The following RBMS3 variants were observed in gnomAD, a reference collection of about 807,000 sequenced individuals.
RBMS3 encodes RNA binding motif single stranded interacting protein 3.
Under a neutral mutation model 66.8 loss-of-function variants are expected in RBMS3, and 27 were observed. That is an observed-to-expected ratio of 0.40 (90% CI 0.30 to 0.56). The LOEUF (loss-of-function observed/expected upper bound fraction) is 0.56, where lower values mean the gene tolerates loss of function less well. RBMS3 is among the 20% of genes least tolerant of loss of function. The pLI is 0.40. For synonymous variants in RBMS3, 188 were observed against 183.0 expected, an observed-to-expected ratio of 1.03 and a Z score of -0.22; for missense variants, 513 against 549.5, an observed-to-expected ratio of 0.93 and a Z score of 0.66.
At chr3:29,776,723 T>C (rs545529370) in intron 6 of RBMS3, among the ~76,000 whole-genome samples, 281 of 152,106 alleles carry the variant, frequency 1.8e-3, no homozygotes, top group Middle Eastern at 6.8e-3. Flanking sequence ...AATTTAATAG[T>C]TGACGTCTCT....
rs1305820346 is a variant in RBMS3 at position 29,377,892 on chromosome 3, AG to A, written c.76-56850del. Among the ~76,000 whole-genome samples, 7 of 152,226 alleles carry A rather than the reference AG, an allele frequency of 4.6e-5. No homozygotes were observed. In the East Asian group the frequency reaches 1.3e-3, roughly 29 times the overall value. On this transcript the variant is annotated intron_variant, in intron 1 of 14. Coordinates refer to ENST00000383767, the MANE Select transcript of RBMS3 (RefSeq NM_001003793.3). ...TTGTCTTTAAAATGTTACCAAAACT[AG>A]TCTTTTAGCAAGAATCTTACTAGAA...
intron 3 of RBMS3, among the ~76,000 whole-genome samples, chr3:29,528,574 T>C (rs1487248748): frequency 3.3e-5 from 5 of 152,218 alleles, no homozygotes; most frequent in Non-Finnish European, 7.3e-5. Context: ...TATTATCAAT[T>C]ACATTTTCAT....
chr3:29,797,449 C>T (rs1436813138), intron 6 of RBMS3, among the ~76,000 whole-genome samples: 3 of 152,168 alleles, frequency 2.0e-5, no homozygotes, highest in Admixed American at 1.3e-4. Flanking sequence ...ATCTTCTATC[C>T]AGACCACTAA....
At chr3:29,334,599 T>A (rs1443102137) in intron 1 of RBMS3, among the ~76,000 whole-genome samples, 1 of 152,150 alleles carries the variant, frequency 6.6e-6, no homozygotes, top group Non-Finnish European at 1.5e-5. Context: ...ACACTAAATA[T>A]GGACTAAATG....
intron 2 of RBMS3, among the ~76,000 whole-genome samples, chr3:29,485,626 A>G (rs1047582641): frequency 3.3e-5 from 5 of 152,194 alleles, no homozygotes; most frequent in African/African-American, 1.2e-4. Flanking sequence ...TATTTACTTC[A>G]TTTATTTATT....
intron 2 of RBMS3, among the ~76,000 whole-genome samples, chr3:29,435,392 A>T (rs532401947): frequency 5.8e-4 from 89 of 152,326 alleles, no homozygotes; most frequent in African/African-American, 2.1e-3. Flanking sequence ...TTGGAGAAGC[A>T]TAAGACTAAT....
At position 29,488,612 on chromosome 3, in the gene RBMS3, G is replaced by GA. The variant is rs1009777576; in HGVS notation, c.307+117dup. On this transcript the variant is annotated intron_variant, in intron 3 of 14. Coordinates refer to ENST00000383767, the MANE Select transcript of RBMS3 (RefSeq NM_001003793.3). ...CACAATGATCACAATGCATAGTATG[G>GA]AAAACCTCTTTAATGATGCCAATGT... is the stretch of plus-strand genomic sequence containing the variant. 4.8e-6 allele frequency: 4 copies of GA among 828,732 alleles called. No homozygotes were observed. In the African/African-American group the frequency reaches 7.1e-5, roughly 15 times the overall value. The allele number at this position is 828,732 out of a possible 1,614,324, so 51.3% of individuals were successfully genotyped here.
At chr3:29,708,634 C>G (rs2053016686) in intron 4 of RBMS3, among the ~76,000 whole-genome samples, 1 of 152,136 alleles carries the variant, frequency 6.6e-6, no homozygotes, top group Admixed American at 6.6e-5. Context: ...TGGGGTGATT[C>G]TAGCAGAGGC....
intron 3 of RBMS3, among the ~76,000 whole-genome samples, chr3:29,551,838 C>T (rs2046190350): frequency 6.6e-6 from 1 of 152,126 alleles, no homozygotes; most frequent in Non-Finnish European, 1.5e-5. Context: ...ATGTACATGT[C>T]ACTTTATCCT....
chr3:29,921,511 T>TGGGG (rs2060780046), intron 10 of RBMS3, among the ~76,000 whole-genome samples: 1 of 65,152 alleles, frequency 1.5e-5, no homozygotes, highest in African/African-American at 6.1e-5. Context: ...GTGGGGGGGC[T>TGGGG]GGGGGTGCAG....
In RBMS3 at chr3:29,796,102, TG is replaced by T. The variant is rs375845066; in HGVS notation, c.637+33115del. Among the ~76,000 whole-genome samples, 1,458 of 152,346 alleles carry T rather than the reference TG, an allele frequency of 9.6e-3. 29 individuals carry two copies. The highest frequency in any genetic ancestry group is 0.034 in the Middle Eastern group (10 of 294). On this transcript the variant is annotated intron_variant, in intron 6 of 14. Coordinates refer to ENST00000383767, the MANE Select transcript of RBMS3 (RefSeq NM_001003793.3). ...AAGAAAGTGAATCTCAATAATATTT[TG>T]GTTTCCCAGTGCATGTAAAAGCTAT...
At chr3:29,888,269 A>C (rs2059919385) in intron 8 of RBMS3, among the ~76,000 whole-genome samples, 1 of 151,772 alleles carries the variant, frequency 6.6e-6, no homozygotes, top group African/African-American at 2.4e-5. Context: ...GAAGCTAAAG[A>C]TATCCAAATC....
At chr3:29,380,111 G>A (rs2038688947) in intron 1 of RBMS3, among the ~76,000 whole-genome samples, 1 of 151,856 alleles carries the variant, frequency 6.6e-6, no homozygotes, top group Non-Finnish European at 1.5e-5. Flanking sequence ...CTTTTATGAA[G>A]CTTAAAATAA....
At chr3:29,465,109 G>C (rs2042492989) in intron 2 of RBMS3, among the ~76,000 whole-genome samples, 1 of 152,182 alleles carries the variant, frequency 6.6e-6, no homozygotes, top group Non-Finnish European at 1.5e-5. Flanking sequence ...TCATTTCTCT[G>C]AAGGAATGTA....
At chr3:29,509,189 T>C (rs1366256407) in intron 3 of RBMS3, among the ~76,000 whole-genome samples, 1 of 151,744 alleles carries the variant, frequency 6.6e-6, no homozygotes, top group Non-Finnish European at 1.5e-5. Context: ...TCTAGAATTA[T>C]ACAATGAGCA....
chr3:29,323,391 G>A (rs917494862), intron 1 of RBMS3, among the ~76,000 whole-genome samples: 5 of 151,972 alleles, frequency 3.3e-5, no homozygotes, highest in Non-Finnish European at 4.4e-5. Flanking sequence ...AAACTAGGTC[G>A]TATTATTACT....
At chr3:29,989,912 C>CCAAAGA (rs1698714613) in intron 13 of RBMS3, among the ~76,000 whole-genome samples, 1 of 152,024 alleles carries the variant, frequency 6.6e-6, no homozygotes, top group Admixed American at 6.6e-5. Context: ...TCTGTGTACA[C>CCAAAGA]CAAAGACAAA....
intron 4 of RBMS3, among the ~76,000 whole-genome samples, chr3:29,679,148 G>A (rs539179317): frequency 1.4e-4 from 21 of 151,918 alleles, no homozygotes; most frequent in Middle Eastern, 3.4e-3. Flanking sequence ...TGGAGTCCCA[G>A]CATTCTGTGT....
chr3:29,772,468 G>GA (rs1412647241), intron 6 of RBMS3, among the ~76,000 whole-genome samples: 2 of 151,920 alleles, frequency 1.3e-5, no homozygotes, highest in Non-Finnish European at 2.9e-5. Flanking sequence ...TTTTATTGAA[G>GA]AAAAATCATA....
Sources: gnomAD v4.1 joint callset for allele counts (sites outside exome capture counted in the v4.1 genomes callset) on GRCh38, gnomAD v4.1.1 for gene constraint, MANE v1.5 for transcripts, NCBI Gene and HGNC (gene_info 2026-07-23, HGNC 2026-07-21) for gene names.